The following SH3RF2 variants were observed in gnomAD, a reference collection of about 807,000 sequenced individuals.
The protein encoded by SH3RF2 is SH3 domain containing ring finger 2, also known as E3 ubiquitin-protein ligase SH3RF2.
In SH3RF2, 43 loss-of-function variants were observed where a neutral mutation model predicts 59.0. The ratio of observed to expected loss-of-function variants is 0.73; its 90% confidence interval spans 0.57 to 0.94. The LOEUF (loss-of-function observed/expected upper bound fraction) is 0.94. Among genes scored for constraint, SH3RF2 ranks in the 40% least tolerant of loss-of-function variants. The pLI, the probability that SH3RF2 is intolerant of heterozygous loss-of-function variation, is 0.00. For synonymous variants in SH3RF2, 391 were observed against 391.5 expected (o/e 1.00, Z 0.01); for missense variants, 930 against 940.1 (o/e 0.99, Z 0.14).
At chr5:145,964,845 G>A (rs558617821) in intron 2 of SH3RF2, among the ~76,000 whole-genome samples, 1 of 152,182 alleles carries the variant, frequency 6.6e-6, no homozygotes, top group Admixed American at 6.5e-5. Context: ...AAATGAAGTG[G>A]CAAACTCATT....
exon 10 of SH3RF2, chr5:146,079,790 C>T (rs1302095416): frequency 6.6e-6 from 1 of 152,250 alleles, no homozygotes; most frequent in Non-Finnish European, 1.5e-5. Context: ...CCACAAGAAG[C>T]CCCAGAGTTC....
chr5:146,015,326 A>G (rs1363683842), intron 5 of SH3RF2, among the ~76,000 whole-genome samples: 1 of 152,180 alleles, frequency 6.6e-6, no homozygotes, highest in Non-Finnish European at 1.5e-5. Context: ...ACACACATAC[A>G]CACTTTCTCT....
intron 2 of SH3RF2, among the ~76,000 whole-genome samples, chr5:145,954,950 G>A (rs544707591): frequency 6.6e-6 from 1 of 152,144 alleles, no homozygotes; most frequent in South Asian, 2.1e-4. Flanking sequence ...GAGGTGGGGG[G>A]AAGTGCCACA....
chr5:146,071,419 T>C (rs1181151371), intron 9 of SH3RF2, among the ~76,000 whole-genome samples: 1 of 152,238 alleles, frequency 6.6e-6, no homozygotes, highest in African/African-American at 2.4e-5. Flanking sequence ...GGGGTGATAC[T>C]GTTTTGAAGG....
At chr5:145,982,343 T>A (rs929342123) in intron 2 of SH3RF2, among the ~76,000 whole-genome samples, 1 of 152,208 alleles carries the variant, frequency 6.6e-6, no homozygotes, top group Non-Finnish European at 1.5e-5. Flanking sequence ...TTGGCATGCA[T>A]GTAATGAGCA....
intron 9 of SH3RF2, among the ~76,000 whole-genome samples, chr5:146,073,466 C>T (rs769617666): frequency 6.6e-6 from 1 of 152,234 alleles, no homozygotes; most frequent in African/African-American, 2.4e-5. Flanking sequence ...ACCTCTCCTC[C>T]TTGGTGCCAA....
At chr5:146,072,929 G>T (rs1391437541) in intron 9 of SH3RF2, among the ~76,000 whole-genome samples, 1 of 152,060 alleles carries the variant, frequency 6.6e-6, no homozygotes, top group Non-Finnish European at 1.5e-5. Context: ...GGTTTGGTGG[G>T]GATTAAGTGA....
intron 2 of SH3RF2, among the ~76,000 whole-genome samples, chr5:145,987,612 C>T (rs1197025642): frequency 1.3e-5 from 2 of 152,132 alleles, no homozygotes; most frequent in Non-Finnish European, 2.9e-5. Context: ...TCCTTCATCA[C>T]GTTTACTCCA....
downstream of SH3RF2, among the ~76,000 whole-genome samples, chr5:146,064,674 GAAAGAAAGAAAGAAAGAAAGAAA>G (rs1419728705): frequency 0.03 from 123 of 4,158 alleles, 3 homozygotes; most frequent in African/African-American, 0.055. Context: ...GAGAAAGAAA[GAAAGAAAGAAAGAAAGAAAGAAA>G]GAAAGAAAGA....
intron 9 of SH3RF2, among the ~76,000 whole-genome samples, chr5:146,076,306 A>G (rs57771498): frequency 0.015 from 2,264 of 152,230 alleles, 52 homozygotes; most frequent in African/African-American, 0.051. Context: ...GATAATACAG[A>G]TCAAAGCGGC....
chr5:146,044,299 T>C (rs762285571), intron 5 of SH3RF2, among the ~76,000 whole-genome samples: 1 of 152,078 alleles, frequency 6.6e-6, no homozygotes, highest in African/African-American at 2.4e-5. Context: ...TACAGGCGCA[T>C]GCCACCACCC....
intron 2 of SH3RF2, among the ~76,000 whole-genome samples, chr5:145,944,300 A>G (rs1370151431): frequency 1.3e-5 from 2 of 151,488 alleles, no homozygotes; most frequent in Admixed American, 6.6e-5. Flanking sequence ...GTCCCAAGGG[A>G]TACTCAACCT....
chr5:145,967,395 G>A lies in SH3RF2; in HGVS notation c.378+29089G>A, dbSNP rs141572907. 8.5e-5 allele frequency among the ~76,000 whole-genome samples: 13 copies of A among 152,246 alleles called. No homozygotes were observed. In the East Asian group the frequency reaches 2.5e-3, roughly 29 times the overall value. Reference sequence around the variant, plus strand: ...AGAAAAAAAAAATCCCACAGAAGTGGTGAAAAGAAAGCAGTATTTATTCAG... The same window carrying A: ...AGAAAAAAAAAATCCCACAGAAGTGATGAAAAGAAAGCAGTATTTATTCAG... On this transcript the variant is annotated intron_variant, in intron 2 of 9. Transcript: ENST00000359120.
Position 146,062,652 on chromosome 5 carries a change from C to A in SH3RF2, c.2141C>A (p.Thr714Asn). ...AAGTCAGCTCTTGGCAAGGCCACAA[C>A]CCTGGTGTCCACTGCCTCAGGCACG... ...RRKSALGKAT[T>N]LVSTASGTQT... is the part of the protein sequence containing the mutation. Residue 714 changes from threonine to asparagine, a missense_variant, in exon 10 of 10, where the codon ACC (threonine) becomes AAC (asparagine). Transcript: ENST00000359120. The A allele has an allele frequency of 1.2e-6, 2 of 1,614,198 alleles. No individual in the cohort carries two copies. Among genetic ancestry groups the A allele is most frequent in the South Asian group, 2.2e-5 (2 of 91,086 alleles).
chr5:146,054,057 A>T lies in SH3RF2; in HGVS notation c.1323-1924A>T, dbSNP rs576601395. On this transcript the variant is annotated intron_variant, in intron 7 of 9. Coordinates refer to ENST00000359120, the MANE Select transcript of SH3RF2 (RefSeq NM_152550.4). ...CCCACCTAAGCCCAGAATGCTTTTC[A>T]GTCTCTCCATCTGGAAAACAAAGAT... Among the ~76,000 whole-genome samples, 7 of 152,322 alleles carry T rather than the reference A, an allele frequency of 4.6e-5. No homozygotes were observed. The South Asian group carries it at 1.4e-3, about 32-fold the overall frequency.
intron 2 of SH3RF2, among the ~76,000 whole-genome samples, chr5:145,967,189 G>A (rs550210777): frequency 2.0e-5 from 3 of 152,256 alleles, no homozygotes; most frequent in Admixed American, 1.3e-4. Context: ...TAAAGTTACC[G>A]TTTGGGCAAC....
chr5:146,039,551 T>C (rs763094446), intron 5 of SH3RF2, among the ~76,000 whole-genome samples: 4 of 151,164 alleles, frequency 2.6e-5, no homozygotes, highest in Non-Finnish European at 4.4e-5. Flanking sequence ...CACAATCAGA[T>C]AGCATTTCAC....
At chr5:145,947,447 AT>A (rs1167893543) in intron 2 of SH3RF2, among the ~76,000 whole-genome samples, 1 of 152,174 alleles carries the variant, frequency 6.6e-6, no homozygotes, top group Non-Finnish European at 1.5e-5. Context: ...TATTGGGAGG[AT>A]TTAATGAGAT....
chr5:145,985,610 C>T (rs970705252), intron 2 of SH3RF2, among the ~76,000 whole-genome samples: 5 of 152,214 alleles, frequency 3.3e-5, no homozygotes, highest in African/African-American at 1.2e-4. Flanking sequence ...CTACCCATGA[C>T]TAAAGTTTCA....
Sources: gnomAD v4.1 joint callset for allele counts (sites outside exome capture counted in the v4.1 genomes callset) on GRCh38, gnomAD v4.1.1 for gene constraint, MANE v1.5 for transcripts, NCBI Gene and HGNC (gene_info 2026-07-23, HGNC 2026-07-21) for gene names.